Variants in TGFBR3 observed in about 807,000 individuals in gnomAD.
The protein encoded by TGFBR3 is transforming growth factor beta receptor type 3.
Under a neutral mutation model 87.9 loss-of-function variants are expected in TGFBR3, and 46 were observed. That is an observed-to-expected ratio of 0.52 (90% CI 0.41 to 0.67). The LOEUF is 0.67. TGFBR3 is among the 30% of genes least tolerant of loss of function. The pLI is 0.00. For missense variants in TGFBR3, 866 were observed against 1,041.9 expected (o/e 0.83, Z 2.32); for synonymous variants, 381 against 391.6 (o/e 0.97, Z 0.32).
intron 1 of TGFBR3, among the ~76,000 whole-genome samples, chr1:91,905,478 G>T (rs1013009608): frequency 6.6e-6 from 1 of 152,132 alleles, no homozygotes; most frequent in Non-Finnish European, 1.5e-5. Flanking sequence ...TGTTGCCCAG[G>T]CTGAAGTGCA....
intron 2 of TGFBR3, among the ~76,000 whole-genome samples, chr1:91,843,016 A>T (rs891218668): frequency 6.6e-5 from 10 of 152,204 alleles, no homozygotes; most frequent in African/African-American, 1.2e-4. Flanking sequence ...CTTACGGAAA[A>T]TAAAGAAACT....
intron 2 of TGFBR3, among the ~76,000 whole-genome samples, chr1:91,899,172 A>G (rs1271186473): frequency 2.0e-5 from 3 of 152,228 alleles, no homozygotes; most frequent in Non-Finnish European, 2.9e-5. Flanking sequence ...TAAGAATGTG[A>G]GGTGACAAAT....
In TGFBR3 at chr1:91,886,083, C is replaced by A. The variant is rs766359193; in HGVS notation, c.-319G>T. 1 of 454,100 alleles carries A rather than the reference C, an allele frequency of 2.2e-6. No individual in the cohort carries two copies. Among genetic ancestry groups the A allele is most frequent in the South Asian group, 1.6e-5 (1 of 64,462 alleles). The allele number at this position is 454,100 out of a possible 1,614,324, so 28.1% of individuals were successfully genotyped here. ...AGGGAAAGTGGCCGGGGCGCGAGAG[C>A]CGCCGACTGCCCTCCTTCACTCGCT... is the stretch of plus-strand genomic sequence containing the variant. On this transcript the variant is annotated 5_prime_UTR_variant, in exon 1 of 17. Transcript: ENST00000212355.
At chr1:91,856,299 C>G (rs904360780) in intron 2 of TGFBR3, among the ~76,000 whole-genome samples, 9 of 152,152 alleles carry the variant, frequency 5.9e-5, no homozygotes, top group Non-Finnish European at 1.0e-4. Context: ...ATCTCCTGAC[C>G]TCGTAATCTG....
intron 8 of TGFBR3, 137 bp from the exon 9 acceptor site, chr1:91,720,367 A>C (rs1672323908): frequency 1.2e-6 from 1 of 867,136 alleles, no homozygotes; most frequent in Non-Finnish European, 1.9e-6. Flanking sequence ...CATAAAGGTC[A>C]TTAGAAGTCT....
Position 91,682,220 on chromosome 1 carries a change from C to G in TGFBR3, c.*1519G>C. 1 of 453,952 alleles carries G rather than the reference C, an allele frequency of 2.2e-6. No homozygotes were observed. The highest frequency in any genetic ancestry group is 1.6e-5 in the South Asian group (1 of 64,474). The allele number at this position is 453,952 out of a possible 1,614,324, so 28.1% of individuals were successfully genotyped here. ...TACTGAGGTTCCATTCACAGACAAC[C>G]AGGCATAACTTCCTTATTTTAAGGG... On this transcript the variant is annotated 3_prime_UTR_variant, in exon 17 of 17. Transcript: ENST00000212355.
At chr1:91,691,725 G>A (rs1355121011) in intron 16 of TGFBR3, among the ~76,000 whole-genome samples, 2 of 152,242 alleles carry the variant, frequency 1.3e-5, no homozygotes, top group African/African-American at 4.8e-5. Flanking sequence ...GCAGTGTCCA[G>A]AAATGGAGGG....
At chr1:91,782,308 T>C (rs1674802110) in intron 3 of TGFBR3, among the ~76,000 whole-genome samples, 1 of 152,194 alleles carries the variant, frequency 6.6e-6, no homozygotes, top group Admixed American at 6.5e-5. Context: ...AGGCAAAATG[T>C]ATCATCATTG....
In TGFBR3 at chr1:91,683,394, A is replaced by T. The variant is rs1386018978; in HGVS notation, c.*345T>A. ...AGTCTGGGTAAAACTCAGGGCCCCA[A>T]ATTATGGATGTTCTCACCTGGACAA... On this transcript the variant is annotated 3_prime_UTR_variant, in exon 17 of 17. Coordinates refer to ENST00000212355, the MANE Select transcript of TGFBR3 (RefSeq NM_003243.5). 7.7e-6 allele frequency: 4 copies of T among 521,136 alleles called. No individual in the cohort carries two copies. Among genetic ancestry groups the T allele is most frequent in the South Asian group, 6.2e-5 (4 of 65,024 alleles). The allele number at this position is 521,136 out of a possible 1,614,324, so 32.3% of individuals were successfully genotyped here.
chr1:91,770,250 G>A (rs284189), intron 3 of TGFBR3, among the ~76,000 whole-genome samples: 10,258 of 151,422 alleles, frequency 0.068, 377 homozygotes, highest in African/African-American at 0.092. Flanking sequence ...AAAAGAGTGG[G>A]TGATTTTTCT....
intron 1 of TGFBR3, among the ~76,000 whole-genome samples, chr1:91,870,686 G>A (rs1571590419): frequency 6.6e-6 from 1 of 152,168 alleles, no homozygotes; most frequent in East Asian, 1.9e-4. Flanking sequence ...TTTGTAGTGA[G>A]AAAGGTGAGG....
At chr1:91,809,883 C>T (rs912799084) in intron 2 of TGFBR3, among the ~76,000 whole-genome samples, 9 of 152,180 alleles carry the variant, frequency 5.9e-5, no homozygotes, top group African/African-American at 2.2e-4. Flanking sequence ...GCTCTTGCTC[C>T]TTTCACAGTG....
At chr1:91,872,082 G>GGC (rs1678600104) in intron 1 of TGFBR3, among the ~76,000 whole-genome samples, 1 of 152,156 alleles carries the variant, frequency 6.6e-6, no homozygotes, top group East Asian at 1.9e-4. Context: ...GAATGACACT[G>GGC]CAGGCTTTGT....
chr1:91,828,081 G>T (rs2101078128), intron 2 of TGFBR3, among the ~76,000 whole-genome samples: 1 of 152,292 alleles, frequency 6.6e-6, no homozygotes, highest in East Asian at 1.9e-4. Context: ...GCTGAGGTCT[G>T]CTTCTCAAAG....
intron 5 of TGFBR3, among the ~76,000 whole-genome samples, chr1:91,731,957 G>A (rs754054427): frequency 1.9e-4 from 29 of 152,212 alleles, no homozygotes; most frequent in Admixed American, 5.9e-4. Flanking sequence ...TTTCTCCCCC[G>A]CTCCCCAATG....
At chr1:91,718,628 C>T (rs1672257929) in intron 10 of TGFBR3, among the ~76,000 whole-genome samples, 1 of 152,158 alleles carries the variant, frequency 6.6e-6, no homozygotes, top group Non-Finnish European at 1.5e-5. Context: ...AGTCTCTGCA[C>T]CCAAGAGAAT....
chr1:91,820,649 G>A (rs1323437928), intron 2 of TGFBR3, among the ~76,000 whole-genome samples: 2 of 152,168 alleles, frequency 1.3e-5, no homozygotes, highest in East Asian at 1.9e-4. Flanking sequence ...TTGCACCACT[G>A]CACTCCAGCC....
At chr1:91,885,612 C>A (rs2101311802) in intron 1 of TGFBR3, among the ~76,000 whole-genome samples, 1 of 152,274 alleles carries the variant, frequency 6.6e-6, no homozygotes, top group East Asian at 1.9e-4. Flanking sequence ...TGGAGAATTC[C>A]TCCCCAGCAC....
chr1:91,797,145 G>A, intron 3 of TGFBR3, 142 bp downstream of exon 3: 1 of 959,412 alleles, frequency 1.0e-6, no homozygotes, highest in Non-Finnish European at 1.7e-6. Context: ...CCAGACAGCA[G>A]CTGGTATTTT....
Sources: allele counts gnomAD v4.1 joint callset (sites outside exome capture counted in the v4.1 genomes callset), GRCh38; gene constraint gnomAD v4.1.1; transcripts MANE v1.5; gene names NCBI Gene and HGNC (gene_info 2026-07-23, HGNC 2026-07-21).